PDGFRL: variants seen among roughly 807,000 people sequenced by gnomAD.
PDGFRL encodes platelet derived growth factor receptor like.
A neutral mutation model predicts 37.2 loss-of-function variants in PDGFRL; 46 were observed. The observed-to-expected ratio is 1.24, with a 90% confidence interval of 0.98 to 1.58. The LOEUF (loss-of-function observed/expected upper bound fraction) is 1.58. Ranked by LOEUF, PDGFRL falls within the 40% of genes most tolerant of loss-of-function variation. The probability of loss-of-function intolerance (pLI) is 0.00; values close to 1 mark genes in which losing one functional copy is unlikely to be tolerated. For synonymous variants in PDGFRL, 251 were observed against 184.3 expected (o/e 1.36, Z -2.93); for missense variants, 692 against 467.6 (o/e 1.48, Z -4.43).
intron 1 of PDGFRL, 106 bp downstream of exon 1, chr8:17,577,413 C>A (rs1803609669): frequency 2.1e-6 from 2 of 966,934 alleles, no homozygotes; most frequent in Non-Finnish European, 1.6e-6. Flanking sequence ...GTTCGGCCCT[C>A]GGTGGCTCAG....
At chr8:17,623,369 G>A (rs914005332) in intron 3 of PDGFRL, among the ~76,000 whole-genome samples, 3 of 152,186 alleles carry the variant, frequency 2.0e-5, no homozygotes, top group African/African-American at 7.2e-5. Context: ...GATTGTAAAT[G>A]TGCCCTTTGT....
chr8:17,638,664 T>C (rs76724656), intron 5 of PDGFRL, among the ~76,000 whole-genome samples: 2,196 of 148,906 alleles, frequency 0.015, 62 homozygotes, highest in African/African-American at 0.051. Flanking sequence ...CCACTATTAC[T>C]GTGTTGCAGT....
chr8:17,632,205 TC>T (rs1445765808), intron 4 of PDGFRL, among the ~76,000 whole-genome samples: 1 of 152,170 alleles, frequency 6.6e-6, no homozygotes, highest in African/African-American at 2.4e-5. Context: ...CACTTTCAAA[TC>T]CTACTGTTTC....
chr8:17,593,173 C>T (rs1053238258), intron 2 of PDGFRL, among the ~76,000 whole-genome samples: 6 of 152,030 alleles, frequency 3.9e-5, no homozygotes, highest in African/African-American at 1.4e-4. Flanking sequence ...TTCCTGTTTC[C>T]CTTTCCACAC....
Position 17,628,768 on chromosome 8 carries a change from C to G in PDGFRL, c.787C>G (p.Leu263Val). 6.2e-7 allele frequency: 1 copy of G among 1,613,496 alleles called. No individual in the cohort carries two copies. The highest frequency in any genetic ancestry group is 8.5e-7 in the Non-Finnish European group (1 of 1,179,446). ...TCAGATCTCCGTCAAGTACCAGCTGCTCTATGTGGCGGGTAAGCCTGGCCA... is the reference window on the plus strand; with the variant it reads ...TCAGATCTCCGTCAAGTACCAGCTGGTCTATGTGGCGGGTAAGCCTGGCCA... ...RSQISVKYQLLYVAVPSGPPS... is the reference protein window; with the variant it reads ...RSQISVKYQLVYVAVPSGPPS... Residue 263 changes from leucine (L) to valine (V), a missense_variant, in exon 4 of 6, where the codon CTC becomes GTC. Transcript: ENST00000251630.
chr8:17,613,221 A>G (rs144464794), intron 2 of PDGFRL, among the ~76,000 whole-genome samples: 160 of 152,106 alleles, frequency 1.1e-3, no homozygotes, highest in South Asian at 9.6e-3. Context: ...AGGTGGTTGG[A>G]GGGGATTTTC....
intron 1 of PDGFRL, among the ~76,000 whole-genome samples, chr8:17,579,741 C>T (rs1000792781): frequency 2.6e-5 from 4 of 151,860 alleles, no homozygotes; most frequent in Admixed American, 6.6e-5. Flanking sequence ...AACATCTGGC[C>T]TGTGACCCAA....
intron 2 of PDGFRL, among the ~76,000 whole-genome samples, chr8:17,609,366 G>C (rs1053681102): frequency 2.6e-5 from 4 of 152,054 alleles, no homozygotes; most frequent in Non-Finnish European, 4.4e-5. Flanking sequence ...ATTTAGCCAG[G>C]TGTGGTAGTG....
intron 4 of PDGFRL, among the ~76,000 whole-genome samples, chr8:17,631,226 A>G (rs1804854663): frequency 6.6e-6 from 1 of 152,000 alleles, no homozygotes; most frequent in South Asian, 2.1e-4. Context: ...CAGCCTTGCA[A>G]GGGAGGAGGG....
At chr8:17,639,185 G>T (rs534233154) in intron 5 of PDGFRL, among the ~76,000 whole-genome samples, 3 of 152,276 alleles carry the variant, frequency 2.0e-5, no homozygotes, top group African/African-American at 7.2e-5. Flanking sequence ...CAAAACAGCA[G>T]ATACTTGGTT....
intron 3 of PDGFRL, among the ~76,000 whole-genome samples, chr8:17,624,242 A>T (rs1490690430): frequency 1.3e-5 from 2 of 152,184 alleles, no homozygotes; most frequent in African/African-American, 4.8e-5. Context: ...CATGTGGAGA[A>T]ATGTTTGTCA....
chr8:17,629,225 C>T (rs1160809024), intron 4 of PDGFRL, among the ~76,000 whole-genome samples: 2 of 151,886 alleles, frequency 1.3e-5, no homozygotes, highest in African/African-American at 2.4e-5. Flanking sequence ...CCACCATGCT[C>T]GGCCCACTTA....
chr8:17,593,671 G>C (rs1434040251), intron 2 of PDGFRL, among the ~76,000 whole-genome samples: 1 of 151,836 alleles, frequency 6.6e-6, no homozygotes, highest in African/African-American at 2.4e-5. Flanking sequence ...GAGGCGGGCG[G>C]ATCACCGGAG....
chr8:17,621,411 T>C (rs1197724934), intron 3 of PDGFRL, among the ~76,000 whole-genome samples: 1 of 151,876 alleles, frequency 6.6e-6, no homozygotes, highest in Non-Finnish European at 1.5e-5. Context: ...TCCTGTTTTT[T>C]TTTTTTTCAG....
intron 5 of PDGFRL, among the ~76,000 whole-genome samples, chr8:17,638,037 T>C (rs867580110): frequency 6.6e-6 from 1 of 152,332 alleles, no homozygotes; most frequent in South Asian, 2.1e-4. Context: ...TTTTTTTGGT[T>C]CAATTTCATT....
At chr8:17,631,067 T>C (rs1804851705) in intron 4 of PDGFRL, among the ~76,000 whole-genome samples, 1 of 152,094 alleles carries the variant, frequency 6.6e-6, no homozygotes, top group Admixed American at 6.5e-5. Flanking sequence ...CCCTGCCATC[T>C]TGTCCAGAGC....
At chr8:17,592,775 C>T (rs183743308) in intron 2 of PDGFRL, among the ~76,000 whole-genome samples, 1 of 152,318 alleles carries the variant, frequency 6.6e-6, no homozygotes, top group Non-Finnish European at 1.5e-5. Context: ...GCTCTCTTCA[C>T]ACTGAAAACT....
intron 2 of PDGFRL, among the ~76,000 whole-genome samples, chr8:17,594,707 A>G (rs1804015112): frequency 1.3e-5 from 2 of 152,098 alleles, no homozygotes; most frequent in African/African-American, 4.8e-5. Context: ...GGCACGTGCC[A>G]CCATGCCTGG....
intron 2 of PDGFRL, among the ~76,000 whole-genome samples, chr8:17,604,714 A>C (rs1307258962): frequency 6.6e-6 from 1 of 152,156 alleles, no homozygotes; most frequent in African/African-American, 2.4e-5. Flanking sequence ...ATGCACATGT[A>C]CTCTAAAACT....
Sources: gnomAD v4.1 joint callset for allele counts (sites outside exome capture counted in the v4.1 genomes callset) on GRCh38, gnomAD v4.1.1 for gene constraint, MANE v1.5 for transcripts, NCBI Gene and HGNC (gene_info 2026-07-23, HGNC 2026-07-21) for gene names.